Variants in ZFAT observed in about 807,000 individuals in gnomAD.
ZFAT encodes zinc finger and AT-hook domain containing.
ZFAT carries 64 observed loss-of-function variants against 117.7 expected under a neutral mutation model. The observed-to-expected ratio is 0.54, with a 90% confidence interval of 0.44 to 0.67. The LOEUF (loss-of-function observed/expected upper bound fraction) is 0.67. ZFAT is among the 30% of genes least tolerant of loss of function. ZFAT has a pLI of 0.00. For synonymous variants in ZFAT, 679 were observed against 615.0 expected, an observed-to-expected ratio of 1.10 and a Z score of -1.54; for missense variants, 1,433 against 1,584.5, an observed-to-expected ratio of 0.90 and a Z score of 1.62.
chr8:134,603,567 C>T (rs1827671557), intron 5 of ZFAT, among the ~76,000 whole-genome samples: 1 of 152,228 alleles, frequency 6.6e-6, no homozygotes, highest in Admixed American at 6.5e-5. Flanking sequence ...GGGCCAACCA[C>T]TAGGGAATGA....
intron 1 of ZFAT, among the ~76,000 whole-genome samples, chr8:134,669,626 C>A (rs13252339): frequency 6.6e-6 from 1 of 152,058 alleles, no homozygotes; most frequent in East Asian, 1.9e-4. Context: ...AAGGAACAAC[C>A]GGTACCAGCC....
intron 15 of ZFAT, among the ~76,000 whole-genome samples, chr8:134,500,825 A>C (rs892909437): frequency 6.6e-6 from 1 of 152,264 alleles, no homozygotes; most frequent in Non-Finnish European, 1.5e-5. Flanking sequence ...CTGAATCTAC[A>C]TGCTAAAGAT....
the ZFAT span, among the ~76,000 whole-genome samples, chr8:134,820,888 G>A: frequency 6.6e-6 from 1 of 152,206 alleles, no homozygotes; most frequent in Non-Finnish European, 1.5e-5. Flanking sequence ...GATAGAGACT[G>A]TAATGTGTCT....
intron 3 of ZFAT, among the ~76,000 whole-genome samples, chr8:134,629,274 C>A (rs940055775): frequency 1.3e-5 from 2 of 152,044 alleles, no homozygotes; most frequent in African/African-American, 4.8e-5. Context: ...CTGGGGGACA[C>A]CCAAACTGAA....
chr8:134,814,661 A>C, the ZFAT span, among the ~76,000 whole-genome samples: 1 of 152,210 alleles, frequency 6.6e-6, no homozygotes, highest in Non-Finnish European at 1.5e-5. Flanking sequence ...AGGGACACTT[A>C]ACAGACACAC....
At chr8:134,524,141 C>T (rs1197674154) in intron 12 of ZFAT, among the ~76,000 whole-genome samples, 1 of 152,190 alleles carries the variant, frequency 6.6e-6, no homozygotes, top group Non-Finnish European at 1.5e-5. Flanking sequence ...CATCCCCCTG[C>T]TCTCCTTGGA....
intron 15 of ZFAT, among the ~76,000 whole-genome samples, chr8:134,491,187 C>A (rs1818032520): frequency 6.6e-6 from 1 of 152,248 alleles, no homozygotes; most frequent in Non-Finnish European, 1.5e-5. Context: ...AGTACTGAGT[C>A]TGTGTGCTGC....
At chr8:134,798,004 TAAAA>T in the ZFAT span, 1 of 151,518 alleles carries the variant, frequency 6.6e-6, no homozygotes, top group African/African-American at 2.4e-5. Context: ...AAAAACACAT[TAAAA>T]AAAGTGGAAA....
At chr8:134,656,781 C>A (rs1393000236) in intron 2 of ZFAT, among the ~76,000 whole-genome samples, 1 of 152,142 alleles carries the variant, frequency 6.6e-6, no homozygotes, top group African/African-American at 2.4e-5. Flanking sequence ...TGTCCTTTAT[C>A]TTAGTGTTTT....
chr8:134,643,741 T>C (rs1283196292), intron 2 of ZFAT, among the ~76,000 whole-genome samples: 1 of 152,136 alleles, frequency 6.6e-6, no homozygotes, highest in Non-Finnish European at 1.5e-5. Flanking sequence ...TTTATGTTTG[T>C]TCACCCAGAA....
chr8:134,659,064 G>A (rs1323565179), intron 1 of ZFAT, among the ~76,000 whole-genome samples: 1 of 152,232 alleles, frequency 6.6e-6, no homozygotes, highest in African/African-American at 2.4e-5. Context: ...TCCTGGGGAG[G>A]CTCAACGCTG....
intron 5 of ZFAT, among the ~76,000 whole-genome samples, chr8:134,607,029 T>C (rs4909309): frequency 0.38 from 57,121 of 151,742 alleles, 11,592 homozygotes; most frequent in East Asian, 0.53. Flanking sequence ...ATCTCTTTTA[T>C]AGTTATCTTA....
At chr8:134,750,292 G>GGAATAGAGAAATACAATGCT in the ZFAT span, among the ~76,000 whole-genome samples, 1 of 151,012 alleles carries the variant, frequency 6.6e-6, no homozygotes, top group African/African-American at 2.4e-5. Context: ...TGTTTTTACT[G>GGAATAGAGAAATACAATGCT]GAATAGAGAA....
At chr8:134,587,597 C>T (rs1826160054) in intron 9 of ZFAT, among the ~76,000 whole-genome samples, 1 of 152,184 alleles carries the variant, frequency 6.6e-6, no homozygotes. Context: ...CCCTAATCCC[C>T]AGGAGGGCCA....
intron 1 of ZFAT, among the ~76,000 whole-genome samples, chr8:134,669,832 A>C (rs1832460243): frequency 1.3e-5 from 2 of 152,246 alleles, no homozygotes; most frequent in Non-Finnish European, 2.9e-5. Context: ...GTCAAGACCC[A>C]TCAGTGTGCT....
chr8:134,510,257 G>A (rs941731141), intron 14 of ZFAT: 1 of 427,964 alleles, frequency 2.3e-6, no homozygotes, highest in African/African-American at 2.0e-5. Context: ...TGAAGCTGGG[G>A]GTTCTATTTT....
At chr8:134,718,096 C>T in the ZFAT span, among the ~76,000 whole-genome samples, 4 of 152,116 alleles carry the variant, frequency 2.6e-5, no homozygotes, top group Non-Finnish European at 5.9e-5. Context: ...TGAAGCATTT[C>T]GAAGTTACAT....
intron 12 of ZFAT, 118 bp downstream of exon 12, chr8:134,532,716 C>T (rs1821511804): frequency 7.5e-7 from 1 of 1,325,272 alleles, no homozygotes; most frequent in Non-Finnish European, 1.0e-6. Context: ...GAAGAATGAA[C>T]ATCACTGGCA....
chr8:134,531,161 C>T (rs1821376548), intron 12 of ZFAT, among the ~76,000 whole-genome samples: 1 of 152,204 alleles, frequency 6.6e-6, no homozygotes, highest in Admixed American at 6.5e-5. Context: ...GGGCATGAAA[C>T]AGTTCAACCT....
Sources: gnomAD v4.1 joint callset for allele counts (sites outside exome capture counted in the v4.1 genomes callset) on GRCh38, gnomAD v4.1.1 for gene constraint, MANE v1.5 for transcripts, NCBI Gene and HGNC (gene_info 2026-07-23, HGNC 2026-07-21) for gene names.